Variants in AGBL4 observed in about 807,000 individuals in gnomAD.
AGBL4 encodes AGBL carboxypeptidase 4.
AGBL4 carries 58 observed loss-of-function variants against 66.4 expected under a neutral mutation model. The observed-to-expected ratio is 0.87, with a 90% CI of 0.71 to 1.09. The LOEUF is 1.09. AGBL4 is among the 50% of genes least tolerant of loss of function. The pLI, the probability that AGBL4 is intolerant of heterozygous loss-of-function variation, is 0.00. For synonymous variants in AGBL4, 234 were observed against 222.9 expected, an observed-to-expected ratio of 1.05 and a Z score of -0.44; for missense variants, 579 against 631.0, an observed-to-expected ratio of 0.92 and a Z score of 0.88.
intron 1 of AGBL4, among the ~76,000 whole-genome samples, chr1:49,949,391 T>C (rs553534196): frequency 6.6e-6 from 1 of 151,722 alleles, no homozygotes; most frequent in Non-Finnish European, 1.5e-5. Context: ...AGCTTTTCCA[T>C]GGCAAAAGGA....
intron 1 of AGBL4, among the ~76,000 whole-genome samples, chr1:49,941,645 T>C (rs945157502): frequency 6.6e-6 from 1 of 152,052 alleles, no homozygotes; most frequent in Non-Finnish European, 1.5e-5. Context: ...ATCATCTCAA[T>C]AGATGCAGAA....
At chr1:49,947,013 T>C (rs1485905663) in intron 1 of AGBL4, among the ~76,000 whole-genome samples, 1 of 151,628 alleles carries the variant, frequency 6.6e-6, no homozygotes, top group Admixed American at 6.6e-5. Flanking sequence ...CACGAAGAAT[T>C]AGACACCCTG....
At chr1:49,184,775 G>C (rs1461672665) in intron 4 of AGBL4, among the ~76,000 whole-genome samples, 2 of 152,294 alleles carry the variant, frequency 1.3e-5, no homozygotes, top group East Asian at 3.9e-4. Context: ...TCAGGCACAA[G>C]AGGCTCTGCC....
At chr1:49,438,175 T>C (rs1645945581) in intron 3 of AGBL4, among the ~76,000 whole-genome samples, 1 of 152,204 alleles carries the variant, frequency 6.6e-6, no homozygotes, top group Non-Finnish European at 1.5e-5. Flanking sequence ...TCTAAAGCCA[T>C]GTCTAACTAA....
chr1:49,983,581 A>C (rs1326033387), intron 1 of AGBL4, among the ~76,000 whole-genome samples: 1 of 152,276 alleles, frequency 6.6e-6, no homozygotes, highest in Non-Finnish European at 1.5e-5. Context: ...TGGCCAAAAA[A>C]ACTCAGGCAA....
At chr1:48,885,293 T>G (rs1051024898) in intron 5 of AGBL4, among the ~76,000 whole-genome samples, 4 of 152,250 alleles carry the variant, frequency 2.6e-5, no homozygotes, top group African/African-American at 9.6e-5. Flanking sequence ...CATTCATTCA[T>G]ATACCATCTA....
At chr1:49,323,241 G>T (rs918828388) in intron 3 of AGBL4, among the ~76,000 whole-genome samples, 1 of 151,920 alleles carries the variant, frequency 6.6e-6, no homozygotes, top group Non-Finnish European at 1.5e-5. Flanking sequence ...CACACCCTAT[G>T]TTCTAGAGTA....
chr1:49,245,638 T>C (rs1031139685), intron 4 of AGBL4, 132 bp downstream of exon 4: 1 of 586,328 alleles, frequency 1.7e-6, no homozygotes, highest in African/African-American at 1.9e-5. Context: ...AAACTAGAGT[T>C]CTGGGTAAAA....
intron 2 of AGBL4, among the ~76,000 whole-genome samples, chr1:49,704,205 A>G (rs1647158085): frequency 6.6e-6 from 1 of 152,114 alleles, no homozygotes. Flanking sequence ...ATGTAATATA[A>G]TATCATAAAA....
chr1:48,644,787 C>A (rs183118849), intron 8 of AGBL4, among the ~76,000 whole-genome samples: 38 of 152,134 alleles, frequency 2.5e-4, no homozygotes, highest in African/African-American at 8.9e-4. Flanking sequence ...AAAGAGCTTT[C>A]GTTCTTTCTG....
intron 3 of AGBL4, among the ~76,000 whole-genome samples, chr1:49,281,256 A>T (rs1282426410): frequency 3.9e-5 from 6 of 152,214 alleles, no homozygotes; most frequent in Admixed American, 3.9e-4. Flanking sequence ...ATGCAAAAAG[A>T]GTACGAAAAA....
At chr1:49,564,032 T>C (rs929130996) in intron 3 of AGBL4, among the ~76,000 whole-genome samples, 10 of 152,296 alleles carry the variant, frequency 6.6e-5, no homozygotes, top group South Asian at 2.1e-4. Flanking sequence ...CCTGGTTTAG[T>C]CTTGGGAGGG....
chr1:48,662,760 C>T (rs1557862868), intron 7 of AGBL4, among the ~76,000 whole-genome samples: 1 of 152,156 alleles, frequency 6.6e-6, no homozygotes, highest in Non-Finnish European at 1.5e-5. Flanking sequence ...TCATTACCTC[C>T]CATTTCACAG....
intron 3 of AGBL4, among the ~76,000 whole-genome samples, chr1:49,501,716 T>C (rs1338228924): frequency 6.6e-6 from 1 of 151,944 alleles, no homozygotes; most frequent in African/African-American, 2.4e-5. Context: ...TTATTTGAGA[T>C]TTTTCTTATT....
At chr1:49,945,346 TATCAA>T (rs1188966156) in intron 1 of AGBL4, among the ~76,000 whole-genome samples, 1 of 152,070 alleles carries the variant, frequency 6.6e-6, no homozygotes, top group Non-Finnish European at 1.5e-5. Context: ...AAGAAAAACC[TATCAA>T]ATTAACAGCA....
chr1:49,824,101 TG>T (rs1645442409), intron 2 of AGBL4, among the ~76,000 whole-genome samples: 4 of 151,828 alleles, frequency 2.6e-5, no homozygotes, highest in Admixed American at 2.6e-4. Flanking sequence ...CCCAGCTACT[TG>T]GGAGGCTCAG....
chr1:49,528,282 T>C (rs1368826741), intron 3 of AGBL4, among the ~76,000 whole-genome samples: 1 of 152,086 alleles, frequency 6.6e-6, no homozygotes, highest in Non-Finnish European at 1.5e-5. Context: ...ATGGTACTTA[T>C]GAGACACTTA....
At chr1:48,757,224 C>T (rs568090217) in intron 6 of AGBL4, among the ~76,000 whole-genome samples, 3 of 152,278 alleles carry the variant, frequency 2.0e-5, no homozygotes, top group South Asian at 2.1e-4. Flanking sequence ...ACAAAGCACA[C>T]TGAAAATGCA....
intron 3 of AGBL4, among the ~76,000 whole-genome samples, chr1:49,272,516 A>G (rs1644082918): frequency 6.6e-6 from 1 of 152,160 alleles, no homozygotes; most frequent in Non-Finnish European, 1.5e-5. Flanking sequence ...TCTTATGTCT[A>G]ACACACCTAA....
Sources: allele counts gnomAD v4.1 joint callset (sites outside exome capture counted in the v4.1 genomes callset), GRCh38; gene constraint gnomAD v4.1.1; transcripts MANE v1.5; gene names NCBI Gene and HGNC (gene_info 2026-07-23, HGNC 2026-07-21).